Variants in FBXL13 observed in about 807,000 individuals in gnomAD.
FBXL13 encodes F-box and leucine rich repeat protein 13.
A neutral mutation model predicts 83.6 loss-of-function variants in FBXL13; 67 were observed. The observed-to-expected ratio is 0.80, with a 90% CI of 0.66 to 0.98. The LOEUF (loss-of-function observed/expected upper bound fraction) is 0.98, where lower values mean the gene tolerates loss of function less well. Among genes scored for constraint, FBXL13 ranks in the 50% least tolerant of loss-of-function variants. The pLI, the probability that FBXL13 is intolerant of heterozygous loss-of-function variation, is 0.00. For missense variants in FBXL13, 822 were observed against 866.5 expected (o/e 0.95, Z 0.64); for synonymous variants, 272 against 299.5 (o/e 0.91, Z 0.95).
chr7:102,895,274 G>T (rs56314487), intron 11 of FBXL13, among the ~76,000 whole-genome samples: 23,474 of 152,072 alleles, frequency 0.15, 1,852 homozygotes, highest in Middle Eastern at 0.21. Flanking sequence ...AGTTAATGTG[G>T]TGAATGGAGG....
chr7:102,934,816 A>G (rs1819975518), intron 8 of FBXL13: 1 of 866,052 alleles, frequency 1.2e-6, no homozygotes, highest in South Asian at 1.9e-5. Context: ...TTCCCTATTG[A>G]CAATGGAATT....
At chr7:102,893,436 T>G (rs927206475) in intron 11 of FBXL13, among the ~76,000 whole-genome samples, 1 of 152,150 alleles carries the variant, frequency 6.6e-6, no homozygotes, top group East Asian at 1.9e-4. Flanking sequence ...AACTGGTTAG[T>G]AGCATAACAA....
At chr7:102,996,995 T>G (rs893690893) in intron 6 of FBXL13, among the ~76,000 whole-genome samples, 10 of 152,234 alleles carry the variant, frequency 6.6e-5, no homozygotes, top group Non-Finnish European at 1.5e-4. Flanking sequence ...CACTGATATA[T>G]TTGAGAATTA....
chr7:102,973,319 G>C, intron 6 of FBXL13: 1 of 572,576 alleles, frequency 1.7e-6, no homozygotes, highest in Non-Finnish European at 3.2e-6. Context: ...GAGTCAGCAA[G>C]ATAGCAGAAG....
intron 2 of FBXL13, among the ~76,000 whole-genome samples, chr7:103,033,696 G>C (rs1055356903): frequency 6.6e-6 from 1 of 152,162 alleles, no homozygotes; most frequent in South Asian, 2.1e-4. Context: ...AGCTCATAAA[G>C]GCAATGTGGA....
intron 11 of FBXL13, among the ~76,000 whole-genome samples, chr7:102,892,439 A>G (rs1361138846): frequency 6.6e-6 from 1 of 152,220 alleles, no homozygotes; most frequent in Non-Finnish European, 1.5e-5. Flanking sequence ...TCCGATTTAC[A>G]AGATATATAA....
At chr7:102,822,388 A>G (rs964969405) in intron 18 of FBXL13, 185 bp from the exon 20 acceptor site, 3 of 703,140 alleles carry the variant, frequency 4.3e-6, no homozygotes, top group South Asian at 1.5e-5. Context: ...GGTACCTGCA[A>G]TTGGTGTCTT....
At chr7:102,983,869 T>A (rs1019192353) in intron 6 of FBXL13, among the ~76,000 whole-genome samples, 2 of 152,160 alleles carry the variant, frequency 1.3e-5, no homozygotes, top group South Asian at 4.1e-4. Context: ...CTAAAGGAGA[T>A]AAGACTCTCC....
At chr7:103,020,346 T>A (rs1792995342) in intron 6 of FBXL13, among the ~76,000 whole-genome samples, 1 of 152,200 alleles carries the variant, frequency 6.6e-6, no homozygotes, top group Admixed American at 6.5e-5. Context: ...GAGCTATTTA[T>A]GACAAACCCA....
At chr7:103,038,195 T>C (rs1441142868) in intron 2 of FBXL13, among the ~76,000 whole-genome samples, 1 of 152,066 alleles carries the variant, frequency 6.6e-6, no homozygotes, top group Non-Finnish European at 1.5e-5. Context: ...GGAGCCTTAC[T>C]CACTGCTAGC....
chr7:102,831,431 A>ACACACCCCCCCCCC (rs1033135095), intron 18 of FBXL13, among the ~76,000 whole-genome samples: 1 of 147,124 alleles, frequency 6.8e-6, no homozygotes, highest in African/African-American at 2.5e-5. Flanking sequence ...ACACACACAC[A>ACACACCCCCCCCCC]CCCCACTACA....
chr7:102,888,335 G>A (rs1210569970), intron 11 of FBXL13, among the ~76,000 whole-genome samples: 3 of 152,172 alleles, frequency 2.0e-5, no homozygotes, highest in Non-Finnish European at 4.4e-5. Flanking sequence ...TCAGGAGATT[G>A]AGACCATCCT....
At chr7:102,815,754 C>G (rs1797909628) in intron 19 of FBXL13, among the ~76,000 whole-genome samples, 1 of 151,954 alleles carries the variant, frequency 6.6e-6, no homozygotes, top group African/African-American at 2.4e-5. Flanking sequence ...CTCTAGATAA[C>G]TGGTAAGAGG....
intron 2 of FBXL13, among the ~76,000 whole-genome samples, chr7:103,038,797 C>G (rs1309775776): frequency 6.6e-6 from 1 of 152,174 alleles, no homozygotes; most frequent in Non-Finnish European, 1.5e-5. Context: ...GACATCCACA[C>G]CAAAACCCCA....
chr7:103,049,067 A>G (rs182737626), intron 2 of FBXL13, among the ~76,000 whole-genome samples: 1 of 152,186 alleles, frequency 6.6e-6, no homozygotes, highest in Non-Finnish European at 1.5e-5. Flanking sequence ...GGTCTTTCTG[A>G]CTTGTCCTAA....
At chr7:102,914,151 C>A (rs1452584106) in intron 10 of FBXL13, among the ~76,000 whole-genome samples, 4 of 152,176 alleles carry the variant, frequency 2.6e-5, no homozygotes, top group Non-Finnish European at 4.4e-5. Flanking sequence ...ACCTCCTCCC[C>A]ACTCCCCCAA....
chr7:102,988,471 A>C (rs2129484204), intron 6 of FBXL13: 1 of 152,374 alleles, frequency 6.6e-6, no homozygotes, highest in Non-Finnish European at 1.5e-5. Flanking sequence ...AAGATAAATT[A>C]GAAAATTTGG....
At chr7:102,859,013 A>G (rs1056424714) in intron 16 of FBXL13, among the ~76,000 whole-genome samples, 1 of 152,176 alleles carries the variant, frequency 6.6e-6, no homozygotes, top group Non-Finnish European at 1.5e-5. Context: ...ATGTCTCAAT[A>G]AAAAATGTTT....
intron 11 of FBXL13, among the ~76,000 whole-genome samples, chr7:102,908,477 G>A (rs1353214475): frequency 2.6e-5 from 4 of 151,606 alleles, no homozygotes; most frequent in Middle Eastern, 3.4e-3. Flanking sequence ...AGTATTCTTC[G>A]GTGTCTGGGC....
Sources: allele counts gnomAD v4.1 joint callset (sites outside exome capture counted in the v4.1 genomes callset), GRCh38; gene constraint gnomAD v4.1.1; transcripts MANE v1.5; gene names NCBI Gene and HGNC (gene_info 2026-07-23, HGNC 2026-07-21).